The following DOP1A variants were observed in gnomAD, a reference collection of about 807,000 sequenced individuals.
DOP1A encodes protein DOP1A.
Under a neutral mutation model 267.6 loss-of-function variants are expected in DOP1A, and 90 were observed. The ratio of observed to expected loss-of-function variants is 0.34; its 90% CI spans 0.28 to 0.40. DOP1A has a LOEUF of 0.40. DOP1A is among the 10% of genes least tolerant of loss of function. DOP1A has a pLI of 1.00. For missense variants in DOP1A, 2,437 were observed against 2,900.4 expected, an observed-to-expected ratio of 0.84 and a Z score of 3.67; for synonymous variants, 932 against 999.1, an observed-to-expected ratio of 0.93 and a Z score of 1.27.
At chr6:83,160,392 C>T (rs377053185) in intron 37 of DOP1A, among the ~76,000 whole-genome samples, 10 of 152,286 alleles carry the variant, frequency 6.6e-5, no homozygotes, top group Non-Finnish European at 5.9e-5. Flanking sequence ...AGACATGATA[C>T]GTCTGAAGTG....
rs1452463677 is a variant in DOP1A, at chr6:83,092,286, A to G, written c.-146-4445A>G. Among the ~76,000 whole-genome samples the G allele has an allele frequency of 2.0e-5, 3 of 152,248 alleles. No individual in the cohort carries two copies. In the East Asian group the frequency reaches 5.8e-4, roughly 29 times the overall value. On this transcript the variant is annotated intron_variant, in intron 1 of 38. Transcript: ENST00000349129. ...TTTAAACACTTTGATCATGAGTCCA[A>G]CTGTAGCCTCACTATTGTAAGTTAT...
chr6:83,153,731 G>T (rs1334398497), intron 31 of DOP1A, 111 bp downstream of exon 31: 6 of 1,174,808 alleles, frequency 5.1e-6, no homozygotes, highest in African/African-American at 4.8e-5. Flanking sequence ...TTTTTACCTT[G>T]AATTATAATT....
intron 1 of DOP1A, among the ~76,000 whole-genome samples, chr6:83,079,043 T>C (rs1410524235): frequency 6.6e-6 from 1 of 152,194 alleles, no homozygotes. Flanking sequence ...CTTGATATCC[T>C]CAACATTAAT....
intron 16 of DOP1A, 33 bp downstream of exon 16, chr6:83,129,541 T>C: frequency 6.8e-7 from 1 of 1,474,368 alleles, no homozygotes. Context: ...TATATTTCAG[T>C]ATTGTCTGTA....
intron 21 of DOP1A, among the ~76,000 whole-genome samples, 190 bp downstream of exon 21, chr6:83,139,352 A>G (rs979635975): frequency 1.3e-5 from 2 of 152,140 alleles, no homozygotes; most frequent in Admixed American, 6.6e-5. Context: ...TCTAGAATGG[A>G]AAAGGGAAGG....
intron 7 of DOP1A, among the ~76,000 whole-genome samples, chr6:83,116,188 A>G (rs1380732595): frequency 6.6e-6 from 1 of 152,166 alleles, no homozygotes; most frequent in East Asian, 1.9e-4. Context: ...AAAACTTCGA[A>G]GCTGTAGATT....
chr6:83,128,778 G>C (rs561127725), intron 15 of DOP1A, 109 bp from the exon 16 acceptor site: 1 of 1,275,992 alleles, frequency 7.8e-7, no homozygotes, highest in African/African-American at 1.5e-5. Flanking sequence ...CAACAGAATG[G>C]GCAGATTAAG....
chr6:83,141,247 TA>T (rs1387466589), intron 23 of DOP1A, among the ~76,000 whole-genome samples: 1 of 152,152 alleles, frequency 6.6e-6, no homozygotes, highest in African/African-American at 2.4e-5. Context: ...TTCAATTATG[TA>T]AAAAATGTTA....
intron 7 of DOP1A, among the ~76,000 whole-genome samples, chr6:83,117,183 C>T (rs910458695): frequency 6.9e-6 from 1 of 145,450 alleles, no homozygotes; most frequent in Non-Finnish European, 1.5e-5. Context: ...CAGAGTCTTT[C>T]TCTGTCACCT....
At chr6:83,098,949 G>A (rs148841750) in intron 3 of DOP1A, among the ~76,000 whole-genome samples, 1,561 of 152,268 alleles carry the variant, frequency 0.01, 24 homozygotes, top group African/African-American at 0.035. Context: ...GACCCCTTCT[G>A]AAATAGGGGT....
intron 1 of DOP1A, among the ~76,000 whole-genome samples, chr6:83,080,380 T>C (rs1767879377): frequency 6.6e-6 from 1 of 152,222 alleles, no homozygotes; most frequent in Non-Finnish European, 1.5e-5. Flanking sequence ...ACAGGTTTCA[T>C]CAAAATAAGG....
At chr6:83,151,703 C>A in intron 28 of DOP1A, 44 bp downstream of exon 28, 1 of 1,547,598 alleles carries the variant, frequency 6.5e-7, no homozygotes, top group Non-Finnish European at 8.7e-7. Context: ...TTCTCAGTGC[C>A]CTCAATTTGA....
intron 1 of DOP1A, among the ~76,000 whole-genome samples, chr6:83,089,918 T>C (rs894301649): frequency 6.6e-6 from 1 of 152,192 alleles, no homozygotes; most frequent in African/African-American, 2.4e-5. Context: ...ATATGTGTAT[T>C]AAATATATAC....
rs1485829745 is a variant in DOP1A at position 83,121,942 on chromosome 6, TAGA to T, written c.1116_1118del (p.Glu372del). The T allele has an allele frequency of 6.2e-7, 1 of 1,601,580 alleles. No individual in the cohort carries two copies. Among genetic ancestry groups the T allele is most frequent in the Admixed American group, 1.7e-5 (1 of 58,774 alleles). On this transcript the variant is annotated inframe_deletion, in exon 11 of 39. Coordinates refer to ENST00000349129, the MANE Select transcript of DOP1A (RefSeq NM_015018.4). ...ATATTAATTTTAGGACCTGTAATTC[TAGA>T]AGATGTCCTGATTGAAGTGTTTAGA...
At chr6:83,096,600 A>G (rs1582917938) in intron 1 of DOP1A, 131 bp from the exon 2 acceptor site, 2 of 398,414 alleles carry the variant, frequency 5.0e-6, no homozygotes, top group East Asian at 7.1e-5. Flanking sequence ...GTAGAGGAGC[A>G]TATATATATC....
intron 3 of DOP1A, among the ~76,000 whole-genome samples, chr6:83,098,009 C>T (rs1383185144): frequency 6.6e-6 from 1 of 152,058 alleles, no homozygotes; most frequent in Admixed American, 6.5e-5. Flanking sequence ...CCTCCCACCT[C>T]AGCCTTCTGA....
At chr6:83,164,481 C>T (rs906036256) in intron 38 of DOP1A, among the ~76,000 whole-genome samples, 7 of 152,106 alleles carry the variant, frequency 4.6e-5, no homozygotes, top group Non-Finnish European at 8.8e-5. Context: ...ATAAGACCCC[C>T]CTCCTTTATC....
At chr6:83,168,970 A>C (rs1281167796), downstream of DOP1A, 7 of 1,212,414 alleles carry the variant, frequency 5.8e-6, no homozygotes, top group Non-Finnish European at 7.2e-6. Flanking sequence ...AAAACTGTAC[A>C]GTTAGTGACT....
chr6:83,119,111 C>A, intron 8 of DOP1A, 124 bp downstream of exon 8: 1 of 746,918 alleles, frequency 1.3e-6, no homozygotes, highest in Non-Finnish European at 2.2e-6. Context: ...TGTAAATGGA[C>A]AATAAAAATA....
Sources: gnomAD v4.1 joint callset for allele counts (sites outside exome capture counted in the v4.1 genomes callset) on GRCh38, gnomAD v4.1.1 for gene constraint, MANE v1.5 for transcripts, NCBI Gene and HGNC (gene_info 2026-07-23, HGNC 2026-07-21) for gene names.